Variants in EIF3A observed in about 807,000 individuals in gnomAD.
The protein encoded by EIF3A is EIF3, p180 subunit.
Under a neutral mutation model 186.6 loss-of-function variants are expected in EIF3A, and 21 were observed. The observed-to-expected ratio is 0.11, with a 90% CI of 0.08 to 0.16. The LOEUF is 0.16. Among genes scored for constraint, EIF3A ranks in the 10% least tolerant of loss-of-function variants. The pLI is 1.00. For synonymous variants in EIF3A, 563 were observed against 584.3 expected (o/e 0.96, Z 0.52); for missense variants, 1,306 against 1,796.3 (o/e 0.73, Z 4.93).
At position 119,036,835 on chromosome 10, in the gene EIF3A, G is replaced by C. The variant is rs564132909; in HGVS notation, c.3919+284C>G. ...TTTCTACTTTGTGCTTAATCTGCCA[G>C]GAAGCTGCTTTTAAATAACAATTTT... On this transcript the variant is annotated intron_variant, in intron 21 of 21. Transcript: ENST00000369144. 7.8e-4 allele frequency among the ~76,000 whole-genome samples: 118 copies of C among 152,200 alleles called. 1 individual carries two copies. Among genetic ancestry groups the C allele is most frequent in the Non-Finnish European group, 2.5e-4 (17 of 68,014 alleles).
chr10:119,050,523 T>C lies in EIF3A; in HGVS notation c.2471A>G (p.Lys824Arg). The change falls in exon 16 of 22, where the codon AAA (lysine) becomes AGA (arginine). Residue 824 changes from lysine to arginine, a missense_variant and splice_region_variant. This residue lies in a region of EIF3A where 410 missense variants were observed against 473.5 expected (regional missense o/e 0.87). Coordinates refer to ENST00000369144, the MANE Select transcript of EIF3A (RefSeq NM_003750.4). ...EQRRAEEQML[K>R]EREERERAER... ...CCAATCCTGTTTGACCTGTGTACCTTTTAGCATTTGTTCTTCTGCCCTTCT... is the reference window on the plus strand; with the variant it reads ...CCAATCCTGTTTGACCTGTGTACCTCTTAGCATTTGTTCTTCTGCCCTTCT... 1 of 1,613,922 alleles carries C rather than the reference T, an allele frequency of 6.2e-7. No homozygotes were observed. The highest frequency in any genetic ancestry group is 8.5e-7 in the Non-Finnish European group (1 of 1,179,918).
chr10:119,066,745 G>A (rs1324503351), intron 6 of EIF3A, among the ~76,000 whole-genome samples: 3 of 151,950 alleles, frequency 2.0e-5, no homozygotes, highest in Admixed American at 6.6e-5. Context: ...TCTCCCCTTC[G>A]CCATTTCCAA....
intron 11 of EIF3A, 101 bp from the exon 12 acceptor site, chr10:119,058,404 T>C (rs1428600677): frequency 2.5e-6 from 2 of 784,774 alleles, no homozygotes; most frequent in Non-Finnish European, 4.0e-6. Flanking sequence ...TGCCTTTCTA[T>C]GTATCTGCAT....
chr10:119,043,280 G>A (rs762179474), intron 18 of EIF3A, among the ~76,000 whole-genome samples: 5 of 152,076 alleles, frequency 3.3e-5, no homozygotes, highest in African/African-American at 7.2e-5. Flanking sequence ...TTAGCCAGGC[G>A]TGGTGGTGCA....
In EIF3A at chr10:119,044,908, G is replaced by A. The variant is rs979740284; in HGVS notation, c.2659-766C>T. On this transcript the variant is annotated intron_variant, in intron 17 of 21. Transcript: ENST00000369144. ...AATAAGCTACAGTCTCAAACAATGC[G>A]TGAATAAGAGAACCTTTATTTGAAT... Among the ~76,000 whole-genome samples, 16 of 150,328 alleles carry A rather than the reference G, an allele frequency of 1.1e-4. 1 individual carries two copies. Among genetic ancestry groups the A allele is most frequent in the African/African-American group, 2.0e-4 (8 of 40,956 alleles).
chr10:119,037,338 T>A (rs1300491662), intron 20 of EIF3A, 29 bp from the exon 21 acceptor site: 1 of 1,600,884 alleles, frequency 6.2e-7, no homozygotes, highest in Admixed American at 1.7e-5. Context: ...ACAGGTCAGG[T>A]TCTTACTGTT....
At chr10:119,052,717 T>C (rs985006975) in intron 14 of EIF3A, among the ~76,000 whole-genome samples, 2 of 152,144 alleles carry the variant, frequency 1.3e-5, no homozygotes, top group African/African-American at 4.8e-5. Flanking sequence ...TCACCACATC[T>C]GCAATTATTT....
At chr10:119,051,161 C>T (rs1192803332) in intron 15 of EIF3A, 38 bp downstream of exon 15, 1 of 1,574,066 alleles carries the variant, frequency 6.4e-7, no homozygotes, top group East Asian at 2.3e-5. Flanking sequence ...TACTAGAAAG[C>T]TCATGAATAA....
chr10:119,073,371 A>G, intron 3 of EIF3A, 70 bp downstream of exon 3: 2 of 1,165,070 alleles, frequency 1.7e-6, no homozygotes, highest in Non-Finnish European at 2.4e-6. Flanking sequence ...TCAAAAGGAA[A>G]TGAAGACCCA....
intron 14 of EIF3A, among the ~76,000 whole-genome samples, chr10:119,055,302 A>ACAGT (rs986685659): frequency 6.6e-6 from 1 of 152,212 alleles, no homozygotes; most frequent in African/African-American, 2.4e-5. Flanking sequence ...AGTCGGTAGA[A>ACAGT]CAGTCAGAAG....
chr10:119,055,563 G>C (rs188346336), intron 14 of EIF3A, among the ~76,000 whole-genome samples: 3 of 151,996 alleles, frequency 2.0e-5, no homozygotes, highest in African/African-American at 7.2e-5. Context: ...GAAGAAATAA[G>C]AATAAAAATA....
intron 14 of EIF3A, among the ~76,000 whole-genome samples, chr10:119,056,469 T>C (rs1843784736): frequency 6.6e-6 from 1 of 152,196 alleles, no homozygotes; most frequent in Admixed American, 6.5e-5. Flanking sequence ...CTATGAGATG[T>C]ATAAACATGC....
rs575788681 is a variant in EIF3A, at chr10:119,070,825, G to C, written c.741+61C>G. ...TACCAAGATGAAGCTATTCATTAAG[G>C]GGGGAGAAAAGTAACACAGACTATT... On this transcript the variant is annotated intron_variant, in intron 5 of 21. Transcript: ENST00000369144. The C allele has an allele frequency of 1.3e-5, 16 of 1,189,874 alleles. 1 individual carries two copies. The highest frequency in any genetic ancestry group is 3.8e-4 in the Middle Eastern group (2 of 5,236). 73.7% of individuals were successfully genotyped at this position (1,189,874 alleles called of 1,614,324 possible). A position where few individuals can be genotyped will look rare whatever the true frequency, so the allele number is the denominator to read the frequency against.
intron 14 of EIF3A, 129 bp downstream of exon 14, chr10:119,056,611 A>C: frequency 1.5e-6 from 1 of 650,200 alleles, no homozygotes; most frequent in East Asian, 2.7e-5. Context: ...CAATCTGTTC[A>C]TAGGCAGCCA....
At chr10:119,075,359 T>C (rs117619580) in intron 1 of EIF3A, among the ~76,000 whole-genome samples, 3,441 of 152,264 alleles carry the variant, frequency 0.023, 65 homozygotes, top group Non-Finnish European at 0.034. Flanking sequence ...ATGCATATTG[T>C]TTGTTTTGAA....
chr10:119,044,010 T>A, intron 18 of EIF3A, 44 bp downstream of exon 18: 1 of 1,374,376 alleles, frequency 7.3e-7, no homozygotes, highest in Non-Finnish European at 1.0e-6. Context: ...TGATAAGATA[T>A]TAACAGGAAC....
In EIF3A at chr10:119,056,800, G is replaced by C. The variant is rs780837333; in HGVS notation, c.2136C>G (p.Ser712Arg). ...KRLEEIPLIK[S>R]AYEEQRIKDM... ...CTTTAATTCTCTGTTCCTCGTAAGC[G>C]CTCTTTATCAAAGGAATTTCTTCCA... The change falls in exon 14 of 22, where the codon AGC (serine) becomes AGG (arginine). Residue 712 changes from serine to arginine, a missense_variant. Ser to Arg is a moderately radical substitution (Grantham distance 110, BLOSUM62 -1). Coordinates refer to ENST00000369144, the MANE Select transcript of EIF3A (RefSeq NM_003750.4). 10 of 1,613,646 alleles carry C rather than the reference G, an allele frequency of 6.2e-6. No homozygotes were observed. In the South Asian group the frequency reaches 8.8e-5, roughly 14 times the overall value.
Position 119,067,671 on chromosome 10 carries a change from C to T in EIF3A, c.950+1775G>A, listed in dbSNP as rs116274107. 9.7e-3 allele frequency among the ~76,000 whole-genome samples: 1,476 copies of T among 152,254 alleles called. 17 individuals are homozygous for T. Among genetic ancestry groups the T allele is most frequent in the African/African-American group, 0.033 (1,360 of 41,538 alleles). On this transcript the variant is annotated intron_variant, in intron 6 of 21. Coordinates refer to ENST00000369144, the MANE Select transcript of EIF3A (RefSeq NM_003750.4). ...AAAGAAAGAAAATATACTAGTGGGACTCATTTAATTGGTCCCATGAATTGC... is the reference window on the plus strand; with the variant it reads ...AAAGAAAGAAAATATACTAGTGGGATTCATTTAATTGGTCCCATGAATTGC...
At position 119,073,503 on chromosome 10, in the gene EIF3A, T is replaced by C. The variant is rs369228283; in HGVS notation, c.315A>G (p.Lys105=). 36 of 1,607,100 alleles carry C rather than the reference T, an allele frequency of 2.2e-5. No homozygotes were observed. Among genetic ancestry groups the C allele is most frequent in the Non-Finnish European group, 2.8e-5 (33 of 1,173,828 alleles). The change falls in exon 3 of 22, where the codon AAA becomes AAG. Residue 105 remains lysine (K), a synonymous_variant. Transcript: ENST00000369144. ...KMAEEKTEAA[K]EESQQMVLDI... is the part of the protein sequence containing the mutation. ...CTAAGACCATCTGCTGAGATTCTTCTTTAGCAGCTTCAGTTTTTTCCTCTG... is the reference window on the plus strand; with the variant it reads ...CTAAGACCATCTGCTGAGATTCTTCCTTAGCAGCTTCAGTTTTTTCCTCTG...
Sources: allele counts gnomAD v4.1 joint callset (sites outside exome capture counted in the v4.1 genomes callset), GRCh38; gene constraint gnomAD v4.1.1; regional missense constraint gnomAD v4.1.1; transcripts MANE v1.5; gene names NCBI Gene and HGNC (gene_info 2026-07-23, HGNC 2026-07-21).